Variants in FAM193A observed in about 807,000 individuals in gnomAD.
The protein encoded by FAM193A is family with sequence similarity 193 member A, also known as protein FAM193A.
Under a neutral mutation model 126.5 loss-of-function variants are expected in FAM193A, and 22 were observed. The observed-to-expected ratio is 0.17, with a 90% CI of 0.12 to 0.25. FAM193A has a LOEUF of 0.25. Among genes scored for constraint, FAM193A ranks in the 10% least tolerant of loss-of-function variants. The pLI, the probability that FAM193A is intolerant of heterozygous loss-of-function variation, is 1.00. For missense variants in FAM193A, 1,675 were observed against 1,672.8 expected (o/e 1.00, Z -0.02); for synonymous variants, 761 against 646.8 (o/e 1.18, Z -2.68).
At chr4:2,628,970 A>G (rs567532606) in intron 4 of FAM193A, among the ~76,000 whole-genome samples, 38 of 151,006 alleles carry the variant, frequency 2.5e-4, no homozygotes, top group Admixed American at 4.6e-4. Context: ...CTCCTGCCTC[A>G]GCCTCGCGAG....
intron 1 of FAM193A, among the ~76,000 whole-genome samples, chr4:2,577,411 G>GTTTTTTTTTTTTTTTTTT (rs67407606): frequency 7.9e-5 from 8 of 101,878 alleles, no homozygotes; most frequent in Admixed American, 1.8e-4. Context: ...AATTAAAGTG[G>GTTTTTTTTTTTTTTTTTT]TTTTTTTTTT....
rs779350178 is a variant in FAM193A, at chr4:2,699,924, A to T, written c.3752A>T (p.Glu1251Val). ...ACTAGAAATTTCCAGGCAGCAACAG[A>T]GTCTGTTCCTAACTCTGGAAACATC... is the stretch of plus-strand genomic sequence containing the variant. Reference protein sequence around the residue: ...MLTRNFQAATESVPNSGNIHN... With the variant: ...MLTRNFQAATVSVPNSGNIHN... Residue 1251 changes from glutamate (E) to valine (V), a missense_variant, in exon 19 of 21, where the codon GAG (glutamate) becomes GTG (valine). By Grantham distance (121) the Glu-to-Val change is moderately radical (BLOSUM62 -2). Around this residue, in one of 4 missense-constraint regions of FAM193A, gnomAD observed 415 missense variants for 396.7 expected, o/e 1.05. Transcript: ENST00000637812. 3.7e-6 allele frequency: 6 copies of T among 1,613,950 alleles called. No homozygotes were observed. Among genetic ancestry groups the T allele is most frequent in the Non-Finnish European group, 5.1e-6 (6 of 1,180,024 alleles).
intron 2 of FAM193A, among the ~76,000 whole-genome samples, chr4:2,616,844 G>A (rs1742217849): frequency 6.6e-6 from 1 of 150,482 alleles, no homozygotes; most frequent in Non-Finnish European, 1.5e-5. Flanking sequence ...GGGGTTACAG[G>A]TGTGAGCCAC....
intron 20 of FAM193A, among the ~76,000 whole-genome samples, chr4:2,723,648 T>C (rs751527493): frequency 6.6e-6 from 1 of 152,138 alleles, no homozygotes; most frequent in African/African-American, 2.4e-5. Flanking sequence ...ATGTCAGATA[T>C]CAAAGGTTTA....
In FAM193A at chr4:2,693,631, C is replaced by G; in HGVS notation, c.2849C>G (p.Ala950Gly). 1 of 1,614,036 alleles carries G rather than the reference C, an allele frequency of 6.2e-7. No individual in the cohort carries two copies. The highest frequency in any genetic ancestry group is 1.1e-5 in the South Asian group (1 of 91,060). ...AGCAAGGAGGACCACAGACACTCGG[C>G]CCCAGCCGCCCCGAGGAATAGCCCC... ...GISKEDHRHS[A>G]PAAPRNSPTG... The change falls in exon 16 of 21, where the codon GCC becomes GGC. Residue 950 changes from alanine (A) to glycine (G), a missense_variant. Coordinates refer to ENST00000637812, the MANE Select transcript of FAM193A (RefSeq NM_001366318.2).
At chr4:2,673,959 C>T (rs1714112310) in intron 13 of FAM193A, among the ~76,000 whole-genome samples, 2 of 152,160 alleles carry the variant, frequency 1.3e-5, no homozygotes, top group Admixed American at 1.3e-4. Flanking sequence ...TATCTAATAT[C>T]TGTTCTCTTG....
At chr4:2,649,308 G>A (rs1381629761) in intron 7 of FAM193A, among the ~76,000 whole-genome samples, 1 of 150,560 alleles carries the variant, frequency 6.6e-6, no homozygotes, top group Non-Finnish European at 1.5e-5. Flanking sequence ...CCAAGAGTTA[G>A]AGGCTGCAGT....
intron 1 of FAM193A, among the ~76,000 whole-genome samples, chr4:2,550,069 C>T (rs1308920039): frequency 6.9e-6 from 1 of 144,136 alleles, no homozygotes; most frequent in Non-Finnish European, 1.5e-5. Flanking sequence ...CAGAGTGTCG[C>T]TCTGTGGCCC....
At position 2,634,336 on chromosome 4, in the gene FAM193A, C is replaced by T. The variant is rs1577107707; in HGVS notation, c.1038+3167C>T. 2.0e-5 allele frequency among the ~76,000 whole-genome samples: 3 copies of T among 152,226 alleles called. No homozygotes were observed. The East Asian group carries it at 5.8e-4, about 29-fold the overall frequency. ...CAGGATTGCTGGTAAAGTCAGGCAGCATGCAGATCACCTCTGGAAACCTTC... is the reference window on the plus strand; with the variant it reads ...CAGGATTGCTGGTAAAGTCAGGCAGTATGCAGATCACCTCTGGAAACCTTC... On this transcript the variant is annotated intron_variant, in intron 5 of 20. Transcript: ENST00000637812.
At chr4:2,700,938 G>A (rs1011696485) in intron 19 of FAM193A, among the ~76,000 whole-genome samples, 5 of 151,984 alleles carry the variant, frequency 3.3e-5, no homozygotes, top group East Asian at 1.9e-4. Context: ...GCACTCCAGC[G>A]TGGGTGACAG....
At chr4:2,577,422 G>GTTTTTTGTTTTTT (rs1553888655) in intron 1 of FAM193A, among the ~76,000 whole-genome samples, 1 of 115,540 alleles carries the variant, frequency 8.7e-6, no homozygotes, top group Non-Finnish European at 1.7e-5. Context: ...TTTTTTTTTT[G>GTTTTTTGTTTTTT]TTTTTTTTTT....
intron 19 of FAM193A, 135 bp from the exon 20 acceptor site, chr4:2,715,888 C>CT: frequency 1.5e-6 from 1 of 682,738 alleles, no homozygotes; most frequent in South Asian, 1.6e-5. Flanking sequence ...GATCTGTCCT[C>CT]TAAAATCTCA....
At position 2,639,721 on chromosome 4, in the gene FAM193A, T is replaced by G; in HGVS notation, c.1039-14T>G. 3 of 1,605,076 alleles carry G rather than the reference T, an allele frequency of 1.9e-6. 1 individual carries two copies. The South Asian group carries it at 3.3e-5, about 18-fold the overall frequency. On this transcript the variant is annotated splice_polypyrimidine_tract_variant and intron_variant, in intron 5 of 20. Transcript: ENST00000637812. Reference sequence around the variant, plus strand: ...ACTACATCTTCTGTTTATCTTTTACTTTTTCTTAACCAGGAAAATGAACAC... The same window carrying G: ...ACTACATCTTCTGTTTATCTTTTACGTTTTCTTAACCAGGAAAATGAACAC...
rs184449859 is a variant in FAM193A at position 2,629,727 on chromosome 4, C to T, written c.804-1208C>T. Among the ~76,000 whole-genome samples the T allele has an allele frequency of 4.7e-4, 72 of 152,232 alleles. No homozygotes were observed. In the East Asian group the frequency reaches 5.6e-3, roughly 12 times the overall value. ...GTTTCTCCTGGTGATGGGTTATGGA[C>T]GAATTTTTATTATTACATCAGTGGT... On this transcript the variant is annotated intron_variant, in intron 4 of 20. Transcript: ENST00000637812.
chr4:2,562,098 C>T (rs992838491), intron 1 of FAM193A, among the ~76,000 whole-genome samples: 19 of 152,166 alleles, frequency 1.2e-4, no homozygotes, highest in African/African-American at 4.3e-4. Flanking sequence ...TAGATAATCT[C>T]GAAGGCCTTT....
At chr4:2,583,161 T>C (rs1368284726) in intron 1 of FAM193A, among the ~76,000 whole-genome samples, 1 of 152,174 alleles carries the variant, frequency 6.6e-6, no homozygotes. Context: ...CAGAACCCTG[T>C]CTGTCTTTGA....
intron 1 of FAM193A, among the ~76,000 whole-genome samples, chr4:2,571,340 C>A (rs1307793128): frequency 1.3e-5 from 2 of 152,136 alleles, no homozygotes; most frequent in African/African-American, 4.8e-5. Flanking sequence ...GAGTACCAGG[C>A]AGATGTGGCA....
rs1482024529 is a variant in FAM193A, at chr4:2,663,156, T to C, written c.1947T>C (p.Asp649=). 1.2e-6 allele frequency: 2 copies of C among 1,614,036 alleles called. No individual in the cohort carries two copies. Among genetic ancestry groups the C allele is most frequent in the Non-Finnish European group, 1.7e-6 (2 of 1,180,026 alleles). The change falls in exon 12 of 21, where the codon GAT becomes GAC. Residue 649 remains aspartate (D), a synonymous_variant. Transcript: ENST00000637812. ...GCAGTAGTTCCTCAGAAGCTGATGA[T>C]GAAGAAGCGGACGGCGAGAGTAGTG... ...STSSSSSEAD[D]EEADGESSGE...
At chr4:2,572,394 G>A (rs1003942824) in intron 1 of FAM193A, among the ~76,000 whole-genome samples, 1 of 152,092 alleles carries the variant, frequency 6.6e-6, no homozygotes, top group Non-Finnish European at 1.5e-5. Context: ...CTGAAATGAG[G>A]TTGTGTACGG....
Sources: gnomAD v4.1 joint callset for allele counts (sites outside exome capture counted in the v4.1 genomes callset) on GRCh38, gnomAD v4.1.1 for gene constraint, gnomAD v4.1.1 regional missense constraint, MANE v1.5 for transcripts, NCBI Gene and HGNC (gene_info 2026-07-23, HGNC 2026-07-21) for gene names.